The following GART variants were observed in gnomAD, a reference collection of about 807,000 sequenced individuals.
GART encodes the protein trifunctional purine biosynthetic protein adenosine-3.
In GART, 43 loss-of-function variants were observed where a neutral mutation model predicts 107.2. The observed-to-expected ratio is 0.40, with a 90% confidence interval of 0.31 to 0.52. The LOEUF (loss-of-function observed/expected upper bound fraction) is 0.52, where lower values mean the gene tolerates loss of function less well. GART is among the 20% of genes least tolerant of loss of function. GART has a pLI of 0.52. For missense variants in GART, 1,107 were observed against 1,206.5 expected, an observed-to-expected ratio of 0.92 and a Z score of 1.22; for synonymous variants, 434 against 427.0, an observed-to-expected ratio of 1.02 and a Z score of -0.20.
intron 12 of GART, 135 bp from the exon 13 acceptor site, chr21:33,521,150 GA>G (rs1160500799): frequency 1.4e-5 from 9 of 643,958 alleles, no homozygotes; most frequent in Non-Finnish European, 2.2e-5. Flanking sequence ...TAGATGATTG[GA>G]ACAGCTGTTC....
In GART at chr21:33,521,026, G is replaced by A. The variant is rs1369695636; in HGVS notation, c.1394-11C>T. 7 of 1,591,002 alleles carry A rather than the reference G, an allele frequency of 4.4e-6. No individual in the cohort carries two copies. Among genetic ancestry groups the A allele is most frequent in the Non-Finnish European group, 6.0e-6 (7 of 1,161,968 alleles). On this transcript the variant is annotated splice_polypyrimidine_tract_variant and intron_variant, in intron 12 of 21. Coordinates refer to ENST00000381815, the MANE Select transcript of GART (RefSeq NM_000819.5). ...GATCAACTTTACAGCCTGTTGGAGA[G>A]GAAATTAATTACTTGCTACATTTTA...
intron 7 of GART, among the ~76,000 whole-genome samples, chr21:33,530,257 A>G (rs2085158527): frequency 6.6e-6 from 1 of 152,276 alleles, no homozygotes; most frequent in Non-Finnish European, 1.5e-5. Flanking sequence ...GTTATGAAGT[A>G]GAAAGATCAG....
intron 8 of GART, 87 bp from the exon 9 acceptor site, chr21:33,528,691 A>T: frequency 9.5e-7 from 1 of 1,049,984 alleles, no homozygotes; most frequent in Non-Finnish European, 1.4e-6. Flanking sequence ...CTACTACATA[A>T]ACTTCTAATA....
intron 3 of GART, among the ~76,000 whole-genome samples, 154 bp downstream of exon 3, chr21:33,535,071 A>G (rs1175731958): frequency 2.6e-5 from 4 of 152,074 alleles, no homozygotes; most frequent in East Asian, 1.9e-4. Context: ...GATGCTTGGG[A>G]AAAAAAATCT....
At chr21:33,512,270 T>C (rs1002423299) in intron 16 of GART, among the ~76,000 whole-genome samples, 39 of 118,904 alleles carry the variant, frequency 3.3e-4, no homozygotes, top group African/African-American at 1.3e-3. Context: ...GTGGACAGAG[T>C]GAGACTCCGA....
intron 10 of GART, among the ~76,000 whole-genome samples, chr21:33,526,554 G>C (rs2085077459): frequency 6.6e-6 from 1 of 150,778 alleles, no homozygotes; most frequent in Non-Finnish European, 1.5e-5. Flanking sequence ...TTTTTAACCA[G>C]ATCATGAGAC....
chr21:33,533,253 C>T (rs981467683), intron 4 of GART, among the ~76,000 whole-genome samples: 2 of 150,894 alleles, frequency 1.3e-5, no homozygotes, highest in Non-Finnish European at 3.0e-5. Context: ...TCCTGGCTAA[C>T]ACAGTGAAAC....
chr21:33,528,618 GAAAAA>G lies in GART; in HGVS notation c.812-19_812-15del. ...CATAGAGAATACCTTCATTAAAAAAGAAAAAAAAAAAAAAGAGAGAAAGAAAATCT... is the reference window on the plus strand; with the variant it reads ...CATAGAGAATACCTTCATTAAAAAAGAAAAAAAAAGAGAGAAAGAAAATCT... On this transcript the variant is annotated splice_polypyrimidine_tract_variant and intron_variant, in intron 8 of 21. Coordinates refer to ENST00000381815, the MANE Select transcript of GART (RefSeq NM_000819.5). 2 of 1,049,846 alleles carry G rather than the reference GAAAAA, an allele frequency of 1.9e-6. No homozygotes were observed. The highest frequency in any genetic ancestry group is 1.3e-6 in the Non-Finnish European group (1 of 750,852). The allele number at this position is 1,049,846 out of a possible 1,614,324, so 65.0% of individuals were successfully genotyped here.
In GART at chr21:33,517,566, T is replaced by C. The variant is rs779364102; in HGVS notation, c.1745A>G (p.Glu582Gly). ...AEMPDMYPPG[E>G]YDLAGFAVGA... ...AACGGCAAACCCAGCTAGGTCATAC[T>C]CTCCAGGGGGATACATGTCAGGCAT... The change falls in exon 15 of 22, where the codon GAG becomes GGG. Residue 582 changes from glutamate (E) to glycine (G), a missense_variant. Physicochemically the swap from Glu to Gly is moderately conservative, Grantham distance 98. Transcript: ENST00000381815. The C allele has an allele frequency of 1.9e-6, 3 of 1,614,146 alleles. No homozygotes were observed. The highest frequency in any genetic ancestry group is 1.1e-5 in the South Asian group (1 of 91,084).
chr21:33,539,062 T>G (rs145770917), intron 2 of GART, 109 bp downstream of exon 2: 11,279 of 1,053,552 alleles, frequency 0.011, 125 homozygotes, highest in South Asian at 0.042. Flanking sequence ...TTACAGGCAT[T>G]AGCCACTGTG....
chr21:33,506,051 G>A lies in GART; in HGVS notation c.2506C>T (p.Gln836Ter). The A allele has an allele frequency of 6.2e-7, 1 of 1,614,134 alleles. No homozygotes were observed. Among genetic ancestry groups the A allele is most frequent in the Non-Finnish European group, 8.5e-7 (1 of 1,180,020 alleles). The change falls in exon 19 of 22, where the codon CAA becomes TAA. Residue 836 changes from glutamine (Q) to a stop codon, truncating the protein, a stop_gained. Coordinates refer to ENST00000381815, the MANE Select transcript of GART (RefSeq NM_000819.5). LOFTEE classifies it high-confidence loss of function. ...DSTREPNSSA[Q>*]IDIVISNKAA... ...TTGTTGGAGATAACAATATCAATTT[G>A]TGCAGAGCTATTTGGTTCCCGAGTA... is the stretch of plus-strand genomic sequence containing the variant.
intron 4 of GART, among the ~76,000 whole-genome samples, chr21:33,533,636 G>A (rs117713343): frequency 0.042 from 6,422 of 152,082 alleles, 169 homozygotes; most frequent in Non-Finnish European, 0.066. Flanking sequence ...CTAGTGTTAC[G>A]GCTCATGCCT....
chr21:33,507,488 G>T (rs1160297579), intron 18 of GART, among the ~76,000 whole-genome samples: 1 of 152,086 alleles, frequency 6.6e-6, no homozygotes, highest in Admixed American at 6.6e-5. Context: ...AGCATAACAG[G>T]GTGACTATAG....
intron 16 of GART, among the ~76,000 whole-genome samples, chr21:33,514,289 C>A (rs1157455130): frequency 6.6e-6 from 1 of 151,942 alleles, no homozygotes; most frequent in Non-Finnish European, 1.5e-5. Context: ...AACAAAAAAA[C>A]CCCCAGAAGT....
intron 10 of GART, among the ~76,000 whole-genome samples, chr21:33,526,238 T>G (rs891821556): frequency 2.0e-5 from 3 of 152,012 alleles, no homozygotes; most frequent in Admixed American, 2.0e-4. Context: ...TTGTGCGACC[T>G]CGGCTCACTG....
intron 20 of GART, among the ~76,000 whole-genome samples, chr21:33,505,344 G>A (rs1015565577): frequency 3.9e-5 from 6 of 152,214 alleles, no homozygotes; most frequent in Non-Finnish European, 7.3e-5. Context: ...TAAATGGATA[G>A]AGAGCAGGTT....
rs927543871 is a variant in GART at position 33,512,849 on chromosome 21, C to T, written c.2108-1391G>A. On this transcript the variant is annotated intron_variant, in intron 16 of 21. Coordinates refer to ENST00000381815, the MANE Select transcript of GART (RefSeq NM_000819.5). Reference sequence around the variant, plus strand: ...CTTCTTCTGCCTCAGCCTCCCAAAGCGCTGGGATTATAGGCATGAGCCATC... The same window carrying T: ...CTTCTTCTGCCTCAGCCTCCCAAAGTGCTGGGATTATAGGCATGAGCCATC... Among the ~76,000 whole-genome samples, 7 of 151,834 alleles carry T rather than the reference C, an allele frequency of 4.6e-5. No homozygotes were observed. In the East Asian group the frequency reaches 5.8e-4, roughly 13 times the overall value.
chr21:33,521,276 G>GA (rs1313297924), intron 12 of GART, among the ~76,000 whole-genome samples: 1 of 152,148 alleles, frequency 6.6e-6, no homozygotes, highest in East Asian at 1.9e-4. Context: ...AAGAATGGCT[G>GA]AAACAAGAGA....
chr21:33,539,305 C>A lies in GART; in HGVS notation c.11G>T (p.Arg4Leu), dbSNP rs201258059. Reference protein sequence around the residue: MAARVLIIGSGGRE... With the variant: MAALVLIIGSGGRE... ...TCCTCCACTGCCAATTATAAGTACT[C>A]GGGCTGCCATTGTTCTGTCTGTAAA... The change falls in exon 2 of 22, where the codon CGA becomes CTA. Residue 4 changes from arginine (R) to leucine (L), a missense_variant. Coordinates refer to ENST00000381815, the MANE Select transcript of GART (RefSeq NM_000819.5). 2 of 1,612,398 alleles carry A rather than the reference C, an allele frequency of 1.2e-6. No homozygotes were observed. Among genetic ancestry groups the A allele is most frequent in the African/African-American group, 2.7e-5 (2 of 74,878 alleles).
Sources: allele counts gnomAD v4.1 joint callset (sites outside exome capture counted in the v4.1 genomes callset), GRCh38; gene constraint gnomAD v4.1.1; transcripts MANE v1.5; gene names NCBI Gene and HGNC (gene_info 2026-07-23, HGNC 2026-07-21).